NCALD: variants seen among roughly 807,000 people sequenced by gnomAD.
The protein encoded by NCALD is neurocalcin-delta.
NCALD carries 10 observed loss-of-function variants against 18.6 expected under a neutral mutation model. The observed-to-expected ratio is 0.54, with a 90% CI of 0.33 to 0.91. NCALD has a LOEUF of 0.91. NCALD is among the 40% of genes least tolerant of loss of function. NCALD has a pLI of 0.03. For missense variants in NCALD, 184 were observed against 247.6 expected (o/e 0.74, Z 1.72); for synonymous variants, 88 against 87.4 (o/e 1.01, Z -0.04).
At chr8:101,828,753 A>G (rs1814046761) in intron 4 of NCALD, among the ~76,000 whole-genome samples, 1 of 151,970 alleles carries the variant, frequency 6.6e-6, no homozygotes, top group Non-Finnish European at 1.5e-5. Context: ...AGCTCAAGCC[A>G]CCATGACCAG....
chr8:101,963,605 C>T (rs189878093), intron 2 of NCALD, among the ~76,000 whole-genome samples: 1 of 152,294 alleles, frequency 6.6e-6, no homozygotes, highest in Admixed American at 6.5e-5. Context: ...GTTTCTGGAT[C>T]TACCTTTTCC....
At chr8:102,014,427 G>T (rs1206861852) in intron 2 of NCALD, among the ~76,000 whole-genome samples, 1 of 151,936 alleles carries the variant, frequency 6.6e-6, no homozygotes, top group Non-Finnish European at 1.5e-5. Context: ...ATCTCTTTGG[G>T]GGTTGGGTTT....
chr8:101,744,219 C>T (rs1810333135), intron 1 of NCALD, among the ~76,000 whole-genome samples: 1 of 152,192 alleles, frequency 6.6e-6, no homozygotes, highest in Non-Finnish European at 1.5e-5. Flanking sequence ...TCCCCTGGTG[C>T]TCATCTACTG....
At chr8:101,753,199 G>C (rs1458018727) in intron 1 of NCALD, among the ~76,000 whole-genome samples, 1 of 152,188 alleles carries the variant, frequency 6.6e-6, no homozygotes, top group Non-Finnish European at 1.5e-5. Context: ...GAATCTTAAA[G>C]TTAAGAAATG....
chr8:101,781,364 T>C (rs966059612), intron 1 of NCALD, among the ~76,000 whole-genome samples: 1 of 152,102 alleles, frequency 6.6e-6, no homozygotes, highest in African/African-American at 2.4e-5. Flanking sequence ...AACTTAAGTA[T>C]ACAGATCTTG....
At chr8:101,851,100 T>G (rs749347927) in intron 4 of NCALD, among the ~76,000 whole-genome samples, 2 of 152,200 alleles carry the variant, frequency 1.3e-5, no homozygotes, top group Non-Finnish European at 2.9e-5. Flanking sequence ...ATATAAAGCA[T>G]TTCCTAAATT....
chr8:101,965,603 A>G (rs568697438), intron 2 of NCALD, among the ~76,000 whole-genome samples: 2 of 152,004 alleles, frequency 1.3e-5, no homozygotes. Context: ...ATCACACACC[A>G]GGACCTGTTG....
chr8:101,911,470 A>G (rs533483272), intron 3 of NCALD, among the ~76,000 whole-genome samples: 3 of 148,302 alleles, frequency 2.0e-5, no homozygotes, highest in East Asian at 4.0e-4. Flanking sequence ...TGATCCTCCC[A>G]CTTCAGGCTC....
intron 2 of NCALD, among the ~76,000 whole-genome samples, chr8:102,004,753 A>T (rs1271394636): frequency 6.6e-6 from 1 of 152,132 alleles, no homozygotes; most frequent in Non-Finnish European, 1.5e-5. Flanking sequence ...GATCTTTGAC[A>T]AATCTGACAA....
intron 4 of NCALD, among the ~76,000 whole-genome samples, chr8:101,828,074 G>T (rs926632699): frequency 2.6e-5 from 4 of 152,158 alleles, no homozygotes; most frequent in African/African-American, 9.7e-5. Flanking sequence ...TCTTCACTCT[G>T]TCCAGGCCAC....
At chr8:101,907,122 G>A (rs866892479) in intron 3 of NCALD, among the ~76,000 whole-genome samples, 4 of 152,074 alleles carry the variant, frequency 2.6e-5, no homozygotes, top group South Asian at 2.1e-4. Flanking sequence ...AAAACATTGC[G>A]CTAAGTGCTA....
chr8:101,691,565 C>T (rs1451168632), intron 3 of NCALD: 2 of 985,274 alleles, frequency 2.0e-6, no homozygotes, highest in Non-Finnish European at 2.4e-6. Flanking sequence ...ACCAGTAAAA[C>T]CTGCAGTTTA....
At chr8:101,798,103 G>A (rs1215807917) in intron 4 of NCALD, among the ~76,000 whole-genome samples, 1 of 152,148 alleles carries the variant, frequency 6.6e-6, no homozygotes. Context: ...TAGGAACCAG[G>A]TAAGGATGTA....
intron 2 of NCALD, among the ~76,000 whole-genome samples, chr8:101,700,096 T>G (rs1415485963): frequency 6.6e-6 from 1 of 151,948 alleles, no homozygotes; most frequent in Non-Finnish European, 1.5e-5. Flanking sequence ...GGTCTCATTC[T>G]GTTGCCCAAG....
At position 101,892,458 on chromosome 8, in the gene NCALD, C is replaced by G. The variant is rs571615724; in HGVS notation, c.-106-5231G>C. Among the ~76,000 whole-genome samples, 88 of 149,490 alleles carry G rather than the reference C, an allele frequency of 5.9e-4. 1 individual carries two copies. In the South Asian group the frequency reaches 0.018, roughly 30 times the overall value. On this transcript the variant is annotated intron_variant, in intron 3 of 6. Coordinates refer to the NCALD transcript ENST00000311028. ...GGAAACTCTAAAACGCAGAGTGCCT[C>G]TCCTCCTCCAAAGGAACGCAGTTCC...
At chr8:101,731,096 C>T (rs898882160) in intron 1 of NCALD, among the ~76,000 whole-genome samples, 4 of 151,902 alleles carry the variant, frequency 2.6e-5, no homozygotes, top group Admixed American at 2.0e-4. Context: ...AGGCAGGGCA[C>T]CATGGAGGTA....
At position 101,727,474 on chromosome 8, in the gene NCALD, AT is replaced by A. The variant is rs1279899541; in HGVS notation, c.-19-7827del. Among the ~76,000 whole-genome samples the A allele has an allele frequency of 2.6e-5, 4 of 151,998 alleles. No homozygotes were observed. The East Asian group carries it at 7.7e-4, about 29-fold the overall frequency. On this transcript the variant is annotated intron_variant, in intron 1 of 3. Coordinates refer to ENST00000220931, the MANE Select transcript of NCALD (RefSeq NM_032041.3). ...GAGTAACCTTTTATAAAATATTTTC[AT>A]TTTTTAGAGACAGGGTCTCGCAATG...
intron 4 of NCALD, among the ~76,000 whole-genome samples, chr8:101,804,372 TTA>T (rs971384773): frequency 2.3e-4 from 32 of 136,490 alleles, no homozygotes; most frequent in African/African-American, 6.7e-4. Context: ...CAATTATATA[TTA>T]TATGTTACTA....
intron 1 of NCALD, among the ~76,000 whole-genome samples, chr8:102,109,573 A>T (rs1056354080): frequency 6.6e-6 from 1 of 152,242 alleles, no homozygotes; most frequent in Non-Finnish European, 1.5e-5. Context: ...GCCAGTGTCA[A>T]ACTATGTCAA....
Sources: allele counts gnomAD v4.1 joint callset (sites outside exome capture counted in the v4.1 genomes callset), GRCh38; gene constraint gnomAD v4.1.1; transcripts MANE v1.5; gene names NCBI Gene and HGNC (gene_info 2026-07-23, HGNC 2026-07-21).